ZFP90: variants seen among roughly 807,000 people sequenced by gnomAD.
The protein encoded by ZFP90 is zinc finger protein 90 homolog.
ZFP90 carries 38 observed loss-of-function variants against 60.8 expected under a neutral mutation model. The ratio of observed to expected loss-of-function variants is 0.62; its 90% CI spans 0.48 to 0.82. The LOEUF is 0.82. Ranked by LOEUF, ZFP90 falls within the 40% of genes least tolerant of loss-of-function variation. The pLI, the probability that ZFP90 is intolerant of heterozygous loss-of-function variation, is 0.00. For synonymous variants in ZFP90, 287 were observed against 264.8 expected (o/e 1.08, Z -0.82); for missense variants, 711 against 759.1 (o/e 0.94, Z 0.74).
intron 2 of ZFP90, among the ~76,000 whole-genome samples, chr16:68,556,835 G>T (rs2091351877): frequency 6.6e-6 from 1 of 152,208 alleles, no homozygotes. Context: ...AGGAGGCCAT[G>T]CTTGAGATGA....
rs2091398398 is a variant in ZFP90 at position 68,559,346 on chromosome 16, TCATCCCCC to T, written c.256+779_256+786del. 3.3e-5 allele frequency among the ~76,000 whole-genome samples: 5 copies of T among 152,180 alleles called. No homozygotes were observed. The South Asian group carries it at 1.0e-3, about 31-fold the overall frequency. ...ACATAAAATCTAAATCCGTCACCTT[TCATCCCCC>T]ACCAGTATGTTTTGCTACCTTGCCT... On this transcript the variant is annotated intron_variant, in intron 4 of 4. Transcript: ENST00000563169.
At chr16:68,558,146 G>A in intron 3 of ZFP90, 22 bp downstream of exon 3, 5 of 1,611,086 alleles carry the variant, frequency 3.1e-6, no homozygotes, top group Non-Finnish European at 4.2e-6. Context: ...TTCTCTGAGT[G>A]TCTTTCCTGC....
Position 68,566,128 on chromosome 16 carries a change from C to CAA in ZFP90, c.*1431_*1432insAA. On this transcript the variant is annotated 3_prime_UTR_variant, in exon 5 of 5. Coordinates refer to ENST00000563169, the MANE Select transcript of ZFP90 (RefSeq NM_001305203.2). ...AGCCTGAGCAACAGAGCAAGACACACACACATCAATTTATTTTAGTTGTAT... is the reference window on the plus strand; with the variant it reads ...AGCCTGAGCAACAGAGCAAGACACACAAACACATCAATTTATTTTAGTTGTAT... The CAA allele has an allele frequency of 1.0e-6, 1 of 985,074 alleles. No individual in the cohort carries two copies. Among genetic ancestry groups the CAA allele is most frequent in the Non-Finnish European group, 1.2e-6 (1 of 829,836 alleles). 61.0% of individuals were successfully genotyped at this position (985,074 alleles called of 1,614,324 possible).
At chr16:68,537,596 C>T (rs1007616665), upstream of ZFP90, among the ~76,000 whole-genome samples, 1 of 152,176 alleles carries the variant, frequency 6.6e-6, no homozygotes, top group Non-Finnish European at 1.5e-5. Context: ...GAGACAGTCT[C>T]GCTTTGTCGC....
chr16:68,569,136 CT>C (rs35827680), downstream of ZFP90, among the ~76,000 whole-genome samples: 262 of 123,024 alleles, frequency 2.1e-3, 3 homozygotes, highest in African/African-American at 6.1e-3. Flanking sequence ...ATTAGTCCCA[CT>C]TTTTTTTTTT....
At chr16:68,562,055 T>C (rs969541941) in intron 4 of ZFP90, 8 of 152,258 alleles carry the variant, frequency 5.3e-5, no homozygotes, top group African/African-American at 1.9e-4. Flanking sequence ...CAATCCATCT[T>C]ACTTTTTGAT....
chr16:68,560,537 T>TTTTA (rs1555499701), intron 4 of ZFP90, among the ~76,000 whole-genome samples: 1 of 147,220 alleles, frequency 6.8e-6, no homozygotes, highest in African/African-American at 2.5e-5. Flanking sequence ...CCACACTGGA[T>TTTTA]TTTATTTATT....
chr16:68,554,412 G>A (rs1242629375), intron 2 of ZFP90, among the ~76,000 whole-genome samples: 1 of 152,250 alleles, frequency 6.6e-6, no homozygotes, highest in East Asian at 1.9e-4. Flanking sequence ...AAAGTGCTGG[G>A]ATTACAGGCA....
intron 2 of ZFP90, among the ~76,000 whole-genome samples, chr16:68,555,518 T>C (rs562733376): frequency 2.6e-5 from 4 of 152,296 alleles, no homozygotes; most frequent in African/African-American, 7.2e-5. Context: ...TCCTTAAGGC[T>C]CAACTCATTC....
intron 1 of ZFP90, 122 bp from the exon 2 acceptor site, chr16:68,539,636 G>C: frequency 1.3e-6 from 1 of 777,004 alleles, no homozygotes; most frequent in East Asian, 3.2e-5. Context: ...GCCCGGGCTG[G>C]TTCCACGGTC....
intron 2 of ZFP90, among the ~76,000 whole-genome samples, chr16:68,547,125 G>C (rs1049314877): frequency 6.6e-6 from 1 of 152,092 alleles, no homozygotes. Context: ...AAATTCTTTT[G>C]GTTATATACC....
chr16:68,571,660 G>A (rs948628082), downstream of ZFP90, among the ~76,000 whole-genome samples: 3 of 152,170 alleles, frequency 2.0e-5, no homozygotes, highest in East Asian at 1.9e-4. Flanking sequence ...CCAGCACGGC[G>A]GCTCACACCT....
At chr16:68,557,319 A>C (rs1263285971) in intron 2 of ZFP90, 1 of 453,974 alleles carries the variant, frequency 2.2e-6, no homozygotes, top group Non-Finnish European at 4.4e-6. Flanking sequence ...GCCCTGTCGC[A>C]TTTTATTATT....
At chr16:68,574,490 G>C (rs76210791) in intron 2 of ZFP90, among the ~76,000 whole-genome samples, 14 of 148,182 alleles carry the variant, frequency 9.4e-5, no homozygotes, top group African/African-American at 3.2e-4. Flanking sequence ...CAAACATGTT[G>C]AAAAAAAAAA....
intron 2 of ZFP90, among the ~76,000 whole-genome samples, chr16:68,550,595 A>G (rs546048000): frequency 1.3e-5 from 2 of 152,346 alleles, no homozygotes; most frequent in East Asian, 1.9e-4. Flanking sequence ...TGGACTAGCT[A>G]CATTGCAAGT....
In ZFP90 at chr16:68,563,105, C is replaced by A. The variant is rs1344881462; in HGVS notation, c.318C>A (p.Ser106=). 6.2e-7 allele frequency: 1 copy of A among 1,614,016 alleles called. No individual in the cohort carries two copies. Among genetic ancestry groups the A allele is most frequent in the East Asian group, 2.2e-5 (1 of 44,870 alleles). Residue 106 remains serine (S), a synonymous_variant, in exon 5 of 5, where the codon TCC becomes TCA. Coordinates refer to ENST00000563169, the MANE Select transcript of ZFP90 (RefSeq NM_001305203.2). The stretch of plus-strand genomic sequence containing the variant: ...TGCAGCAGGATGTATCAGAAGTATC[C>A]CACTGCACACATGATCTCTTACATG... ...SHLQQDVSEV[S]HCTHDLLHAT... is the part of the protein sequence containing the mutation.
At chr16:68,562,196 T>TATATGTAC (rs1177778992) in intron 4 of ZFP90, 1 of 152,250 alleles carries the variant, frequency 6.6e-6, no homozygotes, top group African/African-American at 2.4e-5. Flanking sequence ...GTACAAGTCT[T>TATATGTAC]ATATGTACCA....
chr16:68,544,947 T>G (rs1267246290), intron 2 of ZFP90, among the ~76,000 whole-genome samples: 1 of 142,292 alleles, frequency 7.0e-6, no homozygotes, highest in Non-Finnish European at 1.5e-5. Context: ...TGGCGTGATT[T>G]CGGCTCACTA....
At chr16:68,549,289 A>G (rs1041757366) in intron 2 of ZFP90, among the ~76,000 whole-genome samples, 1 of 152,230 alleles carries the variant, frequency 6.6e-6, no homozygotes, top group Admixed American at 6.5e-5. Flanking sequence ...ATGCTGGGCA[A>G]GACCCTCCAT....
Sources: gnomAD v4.1 joint callset for allele counts (sites outside exome capture counted in the v4.1 genomes callset) on GRCh38, gnomAD v4.1.1 for gene constraint, MANE v1.5 for transcripts, NCBI Gene and HGNC (gene_info 2026-07-23, HGNC 2026-07-21) for gene names.